The following ADGRL2 variants were observed in gnomAD, a reference collection of about 807,000 sequenced individuals.
ADGRL2 encodes calcium-independent alpha-latrotoxin receptor 2.
Under a neutral mutation model 157.4 loss-of-function variants are expected in ADGRL2, and 44 were observed. The observed-to-expected ratio is 0.28, with a 90% confidence interval of 0.22 to 0.36. ADGRL2 has a LOEUF of 0.36. Ranked by LOEUF, ADGRL2 falls within the 10% of genes least tolerant of loss-of-function variation. The probability of loss-of-function intolerance (pLI) is 1.00; values close to 1 mark genes in which losing one functional copy is unlikely to be tolerated. For missense variants in ADGRL2, 1,510 were observed against 1,768.9 expected (o/e 0.85, Z 2.63); for synonymous variants, 585 against 624.7 (o/e 0.94, Z 0.95).
At chr1:81,765,123 G>A (rs1410483370) in intron 2 of ADGRL2, among the ~76,000 whole-genome samples, 1 of 151,842 alleles carries the variant, frequency 6.6e-6, no homozygotes, top group Non-Finnish European at 1.5e-5. Context: ...CATTGTAAAT[G>A]ACCTATAAGA....
intron 2 of ADGRL2, among the ~76,000 whole-genome samples, chr1:81,762,915 G>A (rs970341633): frequency 1.3e-5 from 2 of 151,990 alleles, no homozygotes; most frequent in Middle Eastern, 6.8e-3. Context: ...AGCTAGGTGT[G>A]GTGGTGAGCC....
At chr1:81,439,985 C>A (rs575895963) in intron 1 of ADGRL2, among the ~76,000 whole-genome samples, 93 of 152,342 alleles carry the variant, frequency 6.1e-4, no homozygotes, top group African/African-American at 2.1e-3. Context: ...TCCTCCTCTA[C>A]CAACTGAGTC....
chr1:81,553,343 T>G (rs2080196520), intron 2 of ADGRL2, among the ~76,000 whole-genome samples: 1 of 152,172 alleles, frequency 6.6e-6, no homozygotes, highest in African/African-American at 2.4e-5. Context: ...AAGCACCCGG[T>G]TTTTGAACTT....
chr1:81,961,129 CTGAG>C (rs71575365), intron 11 of ADGRL2, among the ~76,000 whole-genome samples: 21,314 of 152,082 alleles, frequency 0.14, 1,783 homozygotes, highest in Middle Eastern at 0.3. Context: ...ACAGTATTGG[CTGAG>C]TGAGGCTCTG....
chr1:81,890,045 A>G (rs922810474), intron 2 of ADGRL2, among the ~76,000 whole-genome samples: 6 of 152,120 alleles, frequency 3.9e-5, no homozygotes, highest in Non-Finnish European at 7.4e-5. Flanking sequence ...GAATTTTGGG[A>G]TCTTATGCAC....
At chr1:81,893,815 C>A (rs2094323291) in intron 2 of ADGRL2, among the ~76,000 whole-genome samples, 1 of 152,098 alleles carries the variant, frequency 6.6e-6, no homozygotes, top group Non-Finnish European at 1.5e-5. Flanking sequence ...CCCTGCTTTC[C>A]CCTTTCCCCA....
chr1:81,630,502 C>T (rs1018504671), intron 3 of ADGRL2, among the ~76,000 whole-genome samples: 58 of 152,112 alleles, frequency 3.8e-4, no homozygotes, highest in African/African-American at 1.4e-3. Context: ...AGGTGAAATA[C>T]ATATGATAGA....
At chr1:81,471,183 C>A (rs2078164425) in intron 2 of ADGRL2, among the ~76,000 whole-genome samples, 1 of 152,082 alleles carries the variant, frequency 6.6e-6, no homozygotes, top group African/African-American at 2.4e-5. Context: ...GTAAATCTAC[C>A]ACCAAATATC....
chr1:81,822,087 G>T, intron 1 of ADGRL2, among the ~76,000 whole-genome samples: 1 of 132,778 alleles, frequency 7.5e-6, no homozygotes, highest in Non-Finnish European at 1.5e-5. Context: ...GAATGTATTA[G>T]TTTTTCGTAT....
rs1294765730 is a variant in ADGRL2 at position 81,955,997 on chromosome 1, GC to G, written c.1955del (p.Ala652ValfsTer4). 6.2e-7 allele frequency: 1 copy of G among 1,611,364 alleles called. No homozygotes were observed. The highest frequency in any genetic ancestry group is 8.5e-7 in the Non-Finnish European group (1 of 1,178,842). ...TMLLDTLEEGAFVLADNLLEP... is the reference protein window; with the variant it reads ...TMLLDTLEEGXFVLADNLLEP... ...GTTACTCGATACATTGGAAGAAGGA[GC>G]TTTTGTCCTAGCTGACAATCTTTTA... On this transcript the variant is annotated frameshift_variant, in exon 11 of 24. Transcript: ENST00000686636. LOFTEE classifies it high-confidence loss of function.
At chr1:81,450,974 G>C (rs928757881) in intron 2 of ADGRL2, among the ~76,000 whole-genome samples, 4 of 152,062 alleles carry the variant, frequency 2.6e-5, no homozygotes, top group Non-Finnish European at 5.9e-5. Flanking sequence ...TCAAAATACA[G>C]AATCTTGTTC....
intron 3 of ADGRL2, among the ~76,000 whole-genome samples, chr1:81,673,296 C>A (rs937294408): frequency 2.3e-4 from 35 of 152,160 alleles, no homozygotes; most frequent in African/African-American, 8.4e-4. Flanking sequence ...TCATTCATAC[C>A]TACCTTTTAA....
chr1:81,620,753 A>C (rs1240186197), intron 3 of ADGRL2, among the ~76,000 whole-genome samples: 1 of 152,258 alleles, frequency 6.6e-6, no homozygotes. Flanking sequence ...CATATGAAAG[A>C]GAACTCAAAA....
chr1:81,451,404 T>C (rs921734301), intron 2 of ADGRL2, among the ~76,000 whole-genome samples: 27 of 152,188 alleles, frequency 1.8e-4, no homozygotes, highest in Admixed American at 3.9e-4. Flanking sequence ...TGTAGAAAAT[T>C]TGTAAATATC....
chr1:81,808,881 A>G (rs539773585), intron 1 of ADGRL2, among the ~76,000 whole-genome samples: 1 of 152,180 alleles, frequency 6.6e-6, no homozygotes, highest in South Asian at 2.1e-4. Flanking sequence ...ACCGCTACTC[A>G]AAGCCACCGG....
intron 2 of ADGRL2, among the ~76,000 whole-genome samples, chr1:81,869,157 T>G (rs1024246228): frequency 1.3e-5 from 2 of 152,238 alleles, no homozygotes; most frequent in South Asian, 2.1e-4. Context: ...AATGTTGGTG[T>G]TGTTGACTGA....
chr1:81,726,404 C>G (rs1356566587), intron 1 of ADGRL2, among the ~76,000 whole-genome samples: 2 of 152,194 alleles, frequency 1.3e-5, no homozygotes, highest in Admixed American at 6.5e-5. Context: ...ATGTCCCATA[C>G]AGTAACAACT....
chr1:81,888,985 C>T (rs750255171), intron 2 of ADGRL2, among the ~76,000 whole-genome samples: 1 of 152,036 alleles, frequency 6.6e-6, no homozygotes, highest in Non-Finnish European at 1.5e-5. Flanking sequence ...TGAATCATGC[C>T]CATTCCAGAC....
At chr1:81,541,697 C>A (rs1292563081) in intron 2 of ADGRL2, among the ~76,000 whole-genome samples, 1 of 151,992 alleles carries the variant, frequency 6.6e-6, no homozygotes, top group African/African-American at 2.4e-5. Flanking sequence ...CGCCTGTAAT[C>A]CCAGCACTTT....
Sources: allele counts gnomAD v4.1 joint callset (sites outside exome capture counted in the v4.1 genomes callset), GRCh38; gene constraint gnomAD v4.1.1; transcripts MANE v1.5; gene names NCBI Gene and HGNC (gene_info 2026-07-23, HGNC 2026-07-21).